The following STK3 variants were observed in gnomAD, a reference collection of about 807,000 sequenced individuals.
The protein encoded by STK3 is serine/threonine-protein kinase 3.
A neutral mutation model predicts 58.0 loss-of-function variants in STK3; 41 were observed. That is an observed-to-expected ratio of 0.71 (90% confidence interval 0.55 to 0.92). The LOEUF (loss-of-function observed/expected upper bound fraction) is 0.92, where lower values mean the gene tolerates loss of function less well. Among genes scored for constraint, STK3 ranks in the 40% least tolerant of loss-of-function variants. The probability of loss-of-function intolerance (pLI) is 0.00; values close to 1 mark genes in which losing one functional copy is unlikely to be tolerated. For missense variants in STK3, 479 were observed against 602.7 expected (o/e 0.79, Z 2.15); for synonymous variants, 170 against 191.0 (o/e 0.89, Z 0.91).
At chr8:98,697,634 G>A (rs899717791) in intron 6 of STK3, among the ~76,000 whole-genome samples, 3 of 152,196 alleles carry the variant, frequency 2.0e-5, no homozygotes, top group South Asian at 2.1e-4. Context: ...TCATTCAGGA[G>A]CAGGTTGTTC....
chr8:98,830,595 G>A (rs934206639), upstream of STK3, among the ~76,000 whole-genome samples: 1 of 152,188 alleles, frequency 6.6e-6, no homozygotes, highest in Non-Finnish European at 1.5e-5. Flanking sequence ...CAAATAAGAG[G>A]CAGCAGCATT....
At chr8:98,367,151 A>T (rs537707960), downstream of STK3, among the ~76,000 whole-genome samples, 1 of 152,334 alleles carries the variant, frequency 6.6e-6, no homozygotes, top group Non-Finnish European at 1.5e-5. Context: ...CAGGGTTGTT[A>T]TAAGAATTGT....
At chr8:98,454,371 C>T (rs1423256862), downstream of STK3, among the ~76,000 whole-genome samples, 1 of 152,170 alleles carries the variant, frequency 6.6e-6, no homozygotes, top group Non-Finnish European at 1.5e-5. Context: ...TCCCCTTCTC[C>T]TTATTGTGGT....
chr8:98,865,485 G>A (rs1451999782), intron 3 of STK3, among the ~76,000 whole-genome samples: 1 of 152,036 alleles, frequency 6.6e-6, no homozygotes, highest in Non-Finnish European at 1.5e-5. Flanking sequence ...TCCTGCCTCA[G>A]CCTCCCAAGT....
intron 10 of STK3, among the ~76,000 whole-genome samples, chr8:98,458,845 C>T (rs1407721202): frequency 2.0e-5 from 3 of 152,160 alleles, no homozygotes; most frequent in Admixed American, 6.5e-5. Context: ...TTCCTGAGGC[C>T]TCCCCAGTCA....
chr8:98,718,789 T>G (rs1827205762), intron 4 of STK3, among the ~76,000 whole-genome samples: 1 of 152,096 alleles, frequency 6.6e-6, no homozygotes, highest in African/African-American at 2.4e-5. Flanking sequence ...ATAATATTGT[T>G]ATTTATTAAT....
At chr8:98,855,209 A>G (rs773133725) in intron 3 of STK3, among the ~76,000 whole-genome samples, 8 of 152,254 alleles carry the variant, frequency 5.3e-5, no homozygotes, top group Non-Finnish European at 1.0e-4. Flanking sequence ...GATCCAGAGT[A>G]GCCAAAACAA....
Position 98,769,436 on chromosome 8 carries a change from G to A in STK3, c.108-2065C>T, listed in dbSNP as rs181299676. ...GTCTGCACAAGCTCTCTCTTTGCCC[G>A]CTGCCATCCATGTACGATGTGACCT... is the stretch of plus-strand genomic sequence containing the variant. On this transcript the variant is annotated intron_variant, in intron 2 of 10. Transcript: ENST00000419617. Among the ~76,000 whole-genome samples the A allele has an allele frequency of 1.1e-3, 167 of 152,262 alleles. 1 individual carries two copies. Among genetic ancestry groups the A allele is most frequent in the South Asian group, 2.3e-3 (11 of 4,826 alleles).
At chr8:98,661,334 T>G (rs1430275676) in intron 6 of STK3, among the ~76,000 whole-genome samples, 1 of 152,090 alleles carries the variant, frequency 6.6e-6, no homozygotes, top group Non-Finnish European at 1.5e-5. Context: ...TCTTATAACT[T>G]GATTATTTAG....
chr8:98,934,420 C>T (rs1840121507), intron 1 of STK3, among the ~76,000 whole-genome samples: 1 of 152,160 alleles, frequency 6.6e-6, no homozygotes, highest in South Asian at 2.1e-4. Context: ...TTGTTCACAC[C>T]TCCCCACTCT....
rs565740609 is a variant in STK3, at chr8:98,924,166, C to T, written c.-79+18212G>A. ...TGAAAATTTTGTGGAGGCTGTTCCC[C>T]GTCCTTGGCAGGCCTCTGCCTTCTT... On this transcript the variant is annotated intron_variant, in intron 1 of 1. Coordinates refer to the STK3 transcript ENST00000519420. Among the ~76,000 whole-genome samples, 4 of 152,274 alleles carry T rather than the reference C, an allele frequency of 2.6e-5. No individual in the cohort carries two copies. The East Asian group carries it at 5.8e-4, about 22-fold the overall frequency.
chr8:98,422,950 C>A (rs1488396421), intron 3 of STK3, among the ~76,000 whole-genome samples: 2 of 152,150 alleles, frequency 1.3e-5, no homozygotes, highest in Non-Finnish European at 2.9e-5. Context: ...GGAGGATTGG[C>A]TAAATTAAAA....
rs1197173476 is a variant in STK3, at chr8:98,731,121, G to A, written c.351+18155C>T. Among the ~76,000 whole-genome samples, 3 of 152,118 alleles carry A rather than the reference G, an allele frequency of 2.0e-5. No homozygotes were observed. In the East Asian group the frequency reaches 5.8e-4, roughly 29 times the overall value. On this transcript the variant is annotated intron_variant, in intron 4 of 10. Transcript: ENST00000419617. ...TCCTAAGAGTATGATAGCATATAGA[G>A]TATATATAAGGCACAAGTGAGTACA...
intron 6 of STK3, among the ~76,000 whole-genome samples, chr8:98,639,635 T>C (rs1819865386): frequency 1.3e-5 from 2 of 152,222 alleles, no homozygotes; most frequent in African/African-American, 4.8e-5. Flanking sequence ...TTTTTGTTTC[T>C]TTATTTGCTT....
intron 6 of STK3, among the ~76,000 whole-genome samples, chr8:98,641,584 A>T (rs1462934980): frequency 6.6e-6 from 1 of 152,222 alleles, no homozygotes. Context: ...TTGCCAATTT[A>T]CCAACCCTGT....
chr8:98,745,651 A>C (rs1262024833), intron 4 of STK3, among the ~76,000 whole-genome samples: 1 of 152,196 alleles, frequency 6.6e-6, no homozygotes, highest in Non-Finnish European at 1.5e-5. Context: ...AACAGAGGCC[A>C]AGAGGCTAAT....
At chr8:98,631,932 TG>T (rs1202629432) in intron 6 of STK3, among the ~76,000 whole-genome samples, 3 of 152,270 alleles carry the variant, frequency 2.0e-5, no homozygotes, top group Non-Finnish European at 4.4e-5. Flanking sequence ...CCCAAAGTGC[TG>T]GGATTACAGG....
intron 1 of STK3, among the ~76,000 whole-genome samples, chr8:98,823,465 C>A (rs560476918): frequency 3.9e-5 from 6 of 152,312 alleles, no homozygotes; most frequent in African/African-American, 1.4e-4. Context: ...CTGTATACAA[C>A]AAGAGGGTGC....
At position 98,421,793 on chromosome 8, in the gene STK3, T is replaced by A. The variant is rs564002729; in HGVS notation, n.483+12334A>T. Among the ~76,000 whole-genome samples, 6 of 152,096 alleles carry A rather than the reference T, an allele frequency of 3.9e-5. No homozygotes were observed. In the East Asian group the frequency reaches 5.8e-4, roughly 15 times the overall value. ...TCTGTCTCAAAAATAAATAAATAAA[T>A]AAAAAATTAATTATTCCAGTCTTGT... On this transcript the variant is annotated intron_variant and non_coding_transcript_variant, in intron 3 of 3. Transcript: ENST00000517832.
Sources: gnomAD v4.1 joint callset for allele counts (sites outside exome capture counted in the v4.1 genomes callset) on GRCh38, gnomAD v4.1.1 for gene constraint, MANE v1.5 for transcripts, NCBI Gene and HGNC (gene_info 2026-07-23, HGNC 2026-07-21) for gene names.